CFAP144: variants seen among roughly 807,000 people sequenced by gnomAD.
The protein encoded by CFAP144 is cilia and flagella associated protein 144, also known as cilia- and flagella-associated protein 144.
At chr1:43,149,208 A>C in the CFAP144 span, among the ~76,000 whole-genome samples, 5 of 152,144 alleles carry the variant, frequency 3.3e-5, no homozygotes, top group Non-Finnish European at 5.9e-5. Context: ...GTTTAAATCA[A>C]TCACGACATA....
chr1:43,148,595 C>T, the CFAP144 span, among the ~76,000 whole-genome samples: 4 of 151,928 alleles, frequency 2.6e-5, no homozygotes, highest in African/African-American at 7.3e-5. Context: ...GCTTCAGATC[C>T]ACACGCCCAA....
At chr1:43,153,893 G>A in the CFAP144 span, among the ~76,000 whole-genome samples, 1 of 150,316 alleles carries the variant, frequency 6.7e-6, no homozygotes, top group African/African-American at 2.4e-5. Flanking sequence ...TGGTCATGCA[G>A]AAGGTTTTCA....
At chr1:43,148,278 T>A in the CFAP144 span, among the ~76,000 whole-genome samples, 243 of 152,206 alleles carry the variant, frequency 1.6e-3, no homozygotes, top group Non-Finnish European at 3.2e-3. Flanking sequence ...GTATTAAAGT[T>A]CATGCGCAAC....
the CFAP144 span, among the ~76,000 whole-genome samples, chr1:43,148,858 CT>C: frequency 1.3e-5 from 2 of 152,170 alleles, no homozygotes; most frequent in African/African-American, 4.8e-5. Context: ...GGCACAAGTC[CT>C]GTTTATTAAC....
the CFAP144 span, chr1:43,147,892 G>A: frequency 3.1e-6 from 5 of 1,597,030 alleles, no homozygotes; most frequent in South Asian, 4.5e-5. Flanking sequence ...AGACAGCGGG[G>A]ACGCGTTGCC....
chr1:43,154,844 G>A, the CFAP144 span, among the ~76,000 whole-genome samples: 2 of 151,750 alleles, frequency 1.3e-5, no homozygotes, highest in African/African-American at 2.4e-5. Context: ...GGAACGAGGT[G>A]GGGGTAAGTG....
chr1:43,156,081 C>T, the CFAP144 span: 1 of 757,490 alleles, frequency 1.3e-6, no homozygotes, highest in Non-Finnish European at 2.3e-6. Context: ...GTGGTCATCT[C>T]CATTCCGCAA....
the CFAP144 span, chr1:43,153,051 C>A: frequency 7.8e-7 from 1 of 1,288,164 alleles, no homozygotes; most frequent in Non-Finnish European, 1.1e-6. Context: ...CTCTTACCAG[C>A]TGGATAAGTT....
the CFAP144 span, among the ~76,000 whole-genome samples, chr1:43,148,469 G>A: frequency 3.3e-5 from 5 of 152,150 alleles, no homozygotes; most frequent in East Asian, 9.7e-4. Context: ...AAGTTCTGGG[G>A]TGCCCCCTGA....
the CFAP144 span, chr1:43,150,703 G>A: frequency 6.2e-6 from 9 of 1,459,802 alleles, no homozygotes; most frequent in East Asian, 1.9e-4. Context: ...GGACCTTAGA[G>A]AGGGCAGGGA....
the CFAP144 span, among the ~76,000 whole-genome samples, chr1:43,145,767 C>T: frequency 6.6e-6 from 1 of 152,162 alleles, no homozygotes; most frequent in Admixed American, 6.5e-5. Context: ...TATGGACATA[C>T]AAAGGGCCAA....
At chr1:43,152,125 C>T in the CFAP144 span, among the ~76,000 whole-genome samples, 3 of 152,090 alleles carry the variant, frequency 2.0e-5, no homozygotes, top group Non-Finnish European at 1.5e-5. Flanking sequence ...CCCAACAAGC[C>T]GGTAGTAGCA....
the CFAP144 span, chr1:43,147,973 A>G: frequency 5.9e-5 from 96 of 1,613,998 alleles, 1 homozygote; most frequent in South Asian, 1.0e-3. Context: ...CCCAAAAGAG[A>G]AGGTGATTCC....
At chr1:43,154,078 A>G in the CFAP144 span, among the ~76,000 whole-genome samples, 9 of 124,040 alleles carry the variant, frequency 7.3e-5, no homozygotes, top group Admixed American at 4.6e-4. Context: ...ATATATATAT[A>G]TATATATATA....
chr1:43,147,771 C>T, the CFAP144 span: 1 of 1,447,958 alleles, frequency 6.9e-7, no homozygotes, highest in Non-Finnish European at 9.0e-7. Flanking sequence ...CCGGCGGGCG[C>T]GGGGCGGGGC....
chr1:43,149,423 T>C, the CFAP144 span, among the ~76,000 whole-genome samples: 1 of 152,250 alleles, frequency 6.6e-6, no homozygotes, highest in African/African-American at 2.4e-5. Flanking sequence ...TTTACCTGCA[T>C]AAACATTGTT....
At chr1:43,154,100 A>ATATG in the CFAP144 span, among the ~76,000 whole-genome samples, 22 of 95,514 alleles carry the variant, frequency 2.3e-4, no homozygotes, top group African/African-American at 8.0e-4. Flanking sequence ...ATATATATAT[A>ATATG]CTCTCTTTTT....
the CFAP144 span, among the ~76,000 whole-genome samples, chr1:43,144,593 G>C: frequency 6.6e-6 from 1 of 151,964 alleles, no homozygotes; most frequent in Non-Finnish European, 1.5e-5. Context: ...CTAGTCTTCT[G>C]TGCCATCCCA....
At chr1:43,150,010 C>T in the CFAP144 span, among the ~76,000 whole-genome samples, 1 of 152,086 alleles carries the variant, frequency 6.6e-6, no homozygotes, top group African/African-American at 2.4e-5. Flanking sequence ...CATATGCTTC[C>T]CACACACACA....
Sources: allele counts gnomAD v4.1 joint callset (sites outside exome capture counted in the v4.1 genomes callset), GRCh38; gene constraint gnomAD v4.1.1; transcripts MANE v1.5; gene names NCBI Gene and HGNC (gene_info 2026-07-23, HGNC 2026-07-21).